RELN: variants seen among roughly 807,000 people sequenced by gnomAD.
RELN encodes the protein reelin.
A neutral mutation model predicts 427.6 loss-of-function variants in RELN; 108 were observed. That is an observed-to-expected ratio of 0.25 (90% CI 0.22 to 0.30). The LOEUF (loss-of-function observed/expected upper bound fraction) is 0.30, where lower values mean the gene tolerates loss of function less well. Among genes scored for constraint, RELN ranks in the 10% least tolerant of loss-of-function variants. The pLI is 1.00. For missense variants in RELN, 3,715 were observed against 4,302.8 expected, an observed-to-expected ratio of 0.86 and a Z score of 3.82; for synonymous variants, 1,524 against 1,513.4, an observed-to-expected ratio of 1.01 and a Z score of -0.16.
chr7:103,694,506 C>G (rs1459807112), intron 10 of RELN, among the ~76,000 whole-genome samples: 1 of 110,744 alleles, frequency 9.0e-6, no homozygotes, highest in South Asian at 2.9e-4. Context: ...ATGATGATGG[C>G]GACGACGATG....
Position 103,515,423 on chromosome 7 carries a change from G to C in RELN, c.7881C>G (p.Leu2627=). 1 of 1,614,122 alleles carries C rather than the reference G, an allele frequency of 6.2e-7. No homozygotes were observed. Among genetic ancestry groups the C allele is most frequent in the South Asian group, 1.1e-5 (1 of 91,076 alleles). ...TGGCAATCTCTTTAGCATCAGGAGGGAGAAGGATATTCACAAATCTATAGG... is the reference window on the plus strand; with the variant it reads ...TGGCAATCTCTTTAGCATCAGGAGGCAGAAGGATATTCACAAATCTATAGG... The part of the protein sequence containing the change: ...YSKPGFVNIL[L]PPDAKEIATR... Residue 2627 remains leucine (L), a synonymous_variant, in exon 50 of 65, where the codon CTC becomes CTG. Transcript: ENST00000428762.
At chr7:103,650,431 T>G in intron 15 of RELN, 48 bp from the exon 16 acceptor site, 1 of 1,128,854 alleles carries the variant, frequency 8.9e-7, no homozygotes, top group East Asian at 2.3e-5. Flanking sequence ...TGTTCATATC[T>G]TTAGAATCTA....
At chr7:103,842,651 T>A (rs1335809871) in intron 2 of RELN, among the ~76,000 whole-genome samples, 9 of 152,326 alleles carry the variant, frequency 5.9e-5, no homozygotes, top group African/African-American at 1.9e-4. Flanking sequence ...ACACTGTGTA[T>A]ATTTACTTTT....
intron 3 of RELN, among the ~76,000 whole-genome samples, chr7:103,802,319 T>A (rs972148524): frequency 2.0e-5 from 3 of 152,150 alleles, no homozygotes; most frequent in Non-Finnish European, 4.4e-5. Flanking sequence ...AAGACATGAC[T>A]AAATAAATCA....
chr7:103,511,856 T>C (rs1400870532), intron 50 of RELN, among the ~76,000 whole-genome samples: 1 of 152,096 alleles, frequency 6.6e-6, no homozygotes, highest in African/African-American at 2.4e-5. Flanking sequence ...AAAAATTTGT[T>C]TTAAAAAATG....
At chr7:103,796,662 AC>A (rs1792305493) in intron 3 of RELN, among the ~76,000 whole-genome samples, 2 of 152,280 alleles carry the variant, frequency 1.3e-5, no homozygotes, top group East Asian at 3.9e-4. Flanking sequence ...TGAGGCCAGG[AC>A]CAGCCTGGCC....
At chr7:103,527,197 TA>T (rs1222493104) in intron 46 of RELN, among the ~76,000 whole-genome samples, 2 of 152,238 alleles carry the variant, frequency 1.3e-5, no homozygotes, top group Admixed American at 6.5e-5. Flanking sequence ...TGACTCTATC[TA>T]CCTATGAAGT....
At chr7:103,542,604 A>G in intron 43 of RELN, 127 bp downstream of exon 43, 1 of 908,898 alleles carries the variant, frequency 1.1e-6, no homozygotes, top group South Asian at 1.5e-5. Flanking sequence ...TTTGATAAAG[A>G]GAGAAGTTCA....
chr7:103,623,614 C>T (rs10487161), intron 20 of RELN, among the ~76,000 whole-genome samples: 16,308 of 152,192 alleles, frequency 0.11, 946 homozygotes, highest in South Asian at 0.17. Flanking sequence ...GACTAGTTTC[C>T]CAAGATTGGT....
At chr7:103,678,250 TC>T (rs1466746924) in intron 11 of RELN, among the ~76,000 whole-genome samples, 4 of 152,170 alleles carry the variant, frequency 2.6e-5, no homozygotes, top group African/African-American at 9.7e-5. Context: ...ATAGCAATGT[TC>T]TACAAAGCTA....
At chr7:103,529,399 T>C (rs1234826680) in intron 46 of RELN, among the ~76,000 whole-genome samples, 1 of 151,674 alleles carries the variant, frequency 6.6e-6, no homozygotes, top group Non-Finnish European at 1.5e-5. Flanking sequence ...AAACTGTGAC[T>C]TAAAATAGCC....
At chr7:103,701,354 A>G (rs1834087584) in intron 8 of RELN, among the ~76,000 whole-genome samples, 1 of 152,142 alleles carries the variant, frequency 6.6e-6, no homozygotes, top group Admixed American at 6.6e-5. Flanking sequence ...GCAAGTTAGT[A>G]TCAATTAGGA....
chr7:103,655,632 C>T (rs1442625273), intron 12 of RELN, among the ~76,000 whole-genome samples: 2 of 151,898 alleles, frequency 1.3e-5, no homozygotes, highest in Non-Finnish European at 2.9e-5. Context: ...TGATATTAAG[C>T]GGGAAAGCTA....
chr7:103,576,228 C>A (rs1584310726), intron 28 of RELN, among the ~76,000 whole-genome samples: 2 of 152,166 alleles, frequency 1.3e-5, no homozygotes, highest in African/African-American at 4.8e-5. Context: ...GGGCGAGACT[C>A]CGTCTCAAAA....
At chr7:103,836,432 A>G (rs1469555161) in intron 2 of RELN, among the ~76,000 whole-genome samples, 1 of 152,216 alleles carries the variant, frequency 6.6e-6, no homozygotes, top group Non-Finnish European at 1.5e-5. Flanking sequence ...CACACTGGAC[A>G]GCACAGAACA....
intron 10 of RELN, among the ~76,000 whole-genome samples, chr7:103,683,381 T>C (rs1461996242): frequency 1.3e-5 from 2 of 152,178 alleles, no homozygotes; most frequent in Non-Finnish European, 1.5e-5. Context: ...TTAAGGTAAT[T>C]ATATTTTTAA....
intron 3 of RELN, among the ~76,000 whole-genome samples, chr7:103,792,073 G>A (rs1271446961): frequency 6.6e-6 from 1 of 152,152 alleles, no homozygotes; most frequent in Non-Finnish European, 1.5e-5. Context: ...AATAAGTGTT[G>A]ACAAGGATGT....
chr7:103,775,700 G>T (rs1275541194), intron 4 of RELN, among the ~76,000 whole-genome samples: 14 of 152,092 alleles, frequency 9.2e-5, no homozygotes, highest in Admixed American at 9.2e-4. Flanking sequence ...GACATAAAAT[G>T]TTTTCATTAT....
At chr7:103,720,042 G>A (rs906796099) in intron 8 of RELN, among the ~76,000 whole-genome samples, 30 of 151,896 alleles carry the variant, frequency 2.0e-4, no homozygotes, top group African/African-American at 7.0e-4. Flanking sequence ...ATGTATGTGT[G>A]TGTATATGTA....
Sources: gnomAD v4.1 joint callset for allele counts (sites outside exome capture counted in the v4.1 genomes callset) on GRCh38, gnomAD v4.1.1 for gene constraint, MANE v1.5 for transcripts, NCBI Gene and HGNC (gene_info 2026-07-23, HGNC 2026-07-21) for gene names.